The following TRIQK variants were observed in gnomAD, a reference collection of about 807,000 sequenced individuals.
TRIQK encodes the protein triple QxxK/R motif containing.
Under a neutral mutation model 10.8 loss-of-function variants are expected in TRIQK, and 10 were observed. The ratio of observed to expected loss-of-function variants is 0.92; its 90% CI spans 0.57 to 1.57. The LOEUF is 1.57. Among genes scored for constraint, TRIQK ranks in the 40% most tolerant of loss-of-function variants. The pLI, the probability that TRIQK is intolerant of heterozygous loss-of-function variation, is 0.00. For synonymous variants in TRIQK, 33 were observed against 33.7 expected, an observed-to-expected ratio of 0.98 and a Z score of 0.07; for missense variants, 107 against 97.7, an observed-to-expected ratio of 1.09 and a Z score of -0.40.
intron 1 of TRIQK, among the ~76,000 whole-genome samples, chr8:92,978,536 A>G (rs891936528): frequency 3.9e-5 from 6 of 152,106 alleles, no homozygotes; most frequent in Non-Finnish European, 8.8e-5. Context: ...TTGTAACCAG[A>G]GGATTTGTAC....
At chr8:92,913,801 G>A (rs1478826417) in intron 3 of TRIQK, among the ~76,000 whole-genome samples, 1 of 152,122 alleles carries the variant, frequency 6.6e-6, no homozygotes, top group African/African-American at 2.4e-5. Context: ...AAAAAATAAT[G>A]AGTTCATGTC....
At chr8:92,898,833 G>GTATATATATATATATATATATA (rs67063066) in intron 3 of TRIQK, among the ~76,000 whole-genome samples, 6 of 73,920 alleles carry the variant, frequency 8.1e-5, no homozygotes, top group Non-Finnish European at 1.5e-4. Flanking sequence ...GTGTGTGTGT[G>GTATATATATATATATATATATA]TATATATATA....
At chr8:92,964,610 A>T (rs1419290694) in intron 1 of TRIQK, among the ~76,000 whole-genome samples, 2 of 133,842 alleles carry the variant, frequency 1.5e-5, no homozygotes, top group African/African-American at 6.7e-5. Flanking sequence ...CCTAAGATTA[A>T]AAAAAAAAAA....
chr8:92,996,049 TTTAGA>T (rs1247436682), intron 1 of TRIQK, among the ~76,000 whole-genome samples: 19 of 152,074 alleles, frequency 1.2e-4, no homozygotes, highest in African/African-American at 4.6e-4. Flanking sequence ...TTCTCACCAG[TTTAGA>T]ATGCCATTTG....
intron 3 of TRIQK, among the ~76,000 whole-genome samples, chr8:92,892,740 G>C (rs1039387191): frequency 6.6e-6 from 1 of 151,872 alleles, no homozygotes; most frequent in Non-Finnish European, 1.5e-5. Context: ...AAAAATGTGC[G>C]AAACTGAGTT....
At chr8:92,898,295 C>T (rs1808716848) in intron 3 of TRIQK, among the ~76,000 whole-genome samples, 1 of 152,102 alleles carries the variant, frequency 6.6e-6, no homozygotes, top group South Asian at 2.1e-4. Context: ...TGCATATCTC[C>T]AAATGAATTT....
At chr8:93,017,110 GGAGAGAGAGAGAGAGA>G (rs3062508) in intron 1 of TRIQK, among the ~76,000 whole-genome samples, 4,661 of 93,324 alleles carry the variant, frequency 0.05, 177 homozygotes, top group South Asian at 0.082. Flanking sequence ...ATATATACTT[GGAGAGAGAGAGAGAGA>G]GAGAGAGAGA....
intron 1 of TRIQK, among the ~76,000 whole-genome samples, chr8:92,982,947 A>T (rs968020091): frequency 2.6e-5 from 4 of 151,996 alleles, no homozygotes; most frequent in African/African-American, 9.7e-5. Flanking sequence ...TATAAGTGAC[A>T]CATTGGGTAG....
chr8:92,917,416 C>T (rs1809922071), intron 2 of TRIQK, among the ~76,000 whole-genome samples: 1 of 151,878 alleles, frequency 6.6e-6, no homozygotes, highest in African/African-American at 2.4e-5. Flanking sequence ...AAAAGTAAGG[C>T]TAAAGTTTGA....
At chr8:92,932,518 C>T (rs1238257100) in intron 2 of TRIQK, among the ~76,000 whole-genome samples, 1 of 151,818 alleles carries the variant, frequency 6.6e-6, no homozygotes, top group Non-Finnish European at 1.5e-5. Context: ...TAGTCTTTTC[C>T]CCTTTGTAAT....
At chr8:93,017,063 A>T (rs1813390434) in intron 1 of TRIQK, among the ~76,000 whole-genome samples, 1 of 151,600 alleles carries the variant, frequency 6.6e-6, no homozygotes, top group South Asian at 2.1e-4. Flanking sequence ...ACATTCAATA[A>T]TACTGATTTT....
intron 3 of TRIQK, among the ~76,000 whole-genome samples, chr8:92,913,486 T>G (rs1417945920): frequency 1.3e-5 from 2 of 152,112 alleles, no homozygotes; most frequent in Non-Finnish European, 2.9e-5. Flanking sequence ...CTGGAGAGGA[T>G]GTGGAGAAAT....
Position 92,931,714 on chromosome 8 carries a change from T to C in TRIQK, c.-21-14704A>G, listed in dbSNP as rs571602392. Among the ~76,000 whole-genome samples, 326 of 152,222 alleles carry C rather than the reference T, an allele frequency of 2.1e-3. 4 individuals carry two copies. Among genetic ancestry groups the C allele is most frequent in the African/African-American group, 7.6e-3 (317 of 41,546 alleles). On this transcript the variant is annotated intron_variant, in intron 2 of 4. Transcript: ENST00000521988. ...AATAGGATGACCATATAACTTACCA[T>C]CCAAGCCAGAACACTTTTGAGAGTC...
upstream of TRIQK, among the ~76,000 whole-genome samples, chr8:92,966,559 G>A (rs1449833868): frequency 2.0e-5 from 3 of 152,068 alleles, no homozygotes; most frequent in Admixed American, 2.0e-4. Flanking sequence ...ATAAATTTAG[G>A]AAAGATTGCA....
chr8:92,992,978 A>C (rs1436690131), intron 1 of TRIQK, among the ~76,000 whole-genome samples: 11 of 152,188 alleles, frequency 7.2e-5, no homozygotes, highest in Non-Finnish European at 1.3e-4. Flanking sequence ...TATTTCTTTC[A>C]ATTTCCACTC....
intron 3 of TRIQK, among the ~76,000 whole-genome samples, chr8:92,915,157 G>A (rs1316577141): frequency 1.3e-5 from 2 of 152,244 alleles, no homozygotes; most frequent in African/African-American, 2.4e-5. Context: ...TTAAAAAACG[G>A]ATGTCAAATA....
At chr8:92,919,389 T>G (rs1180625324) in intron 2 of TRIQK, among the ~76,000 whole-genome samples, 1 of 151,932 alleles carries the variant, frequency 6.6e-6, no homozygotes, top group Non-Finnish European at 1.5e-5. Context: ...CAGCATCTAC[T>G]GAAATAATCG....
intron 1 of TRIQK, among the ~76,000 whole-genome samples, chr8:92,990,554 G>A (rs948656351): frequency 2.6e-5 from 4 of 152,104 alleles, no homozygotes; most frequent in African/African-American, 7.2e-5. Flanking sequence ...TGAGGTACCC[G>A]GCTCATCTCA....
intron 4 of TRIQK, 127 bp downstream of exon 4, chr8:92,891,862 G>A: frequency 3.0e-6 from 2 of 667,980 alleles, no homozygotes; most frequent in Non-Finnish European, 4.7e-6. Context: ...AAACCTTTAA[G>A]TCTGGCATTC....
Sources: allele counts gnomAD v4.1 joint callset (sites outside exome capture counted in the v4.1 genomes callset), GRCh38; gene constraint gnomAD v4.1.1; transcripts MANE v1.5; gene names NCBI Gene and HGNC (gene_info 2026-07-23, HGNC 2026-07-21).